The following ARHGEF4 variants were observed in gnomAD, a reference collection of about 807,000 sequenced individuals.
ARHGEF4 encodes APC-stimulated guanine nucleotide exchange factor 1.
In ARHGEF4, 119 loss-of-function variants were observed where a neutral mutation model predicts 162.0. The observed-to-expected ratio is 0.73, with a 90% confidence interval of 0.63 to 0.86. The LOEUF is 0.86. Ranked by LOEUF, ARHGEF4 falls within the 40% of genes least tolerant of loss-of-function variation. The pLI, the probability that ARHGEF4 is intolerant of heterozygous loss-of-function variation, is 0.00. For missense variants in ARHGEF4, 2,488 were observed against 2,456.0 expected, an observed-to-expected ratio of 1.01 and a Z score of -0.28; for synonymous variants, 1,014 against 979.9, an observed-to-expected ratio of 1.03 and a Z score of -0.65.
At chr2:131,041,155 C>G in intron 8 of ARHGEF4, 75 bp from the exon 9 acceptor site, 2 of 1,412,506 alleles carry the variant, frequency 1.4e-6, no homozygotes, top group South Asian at 1.3e-5. Flanking sequence ...GAGGCTCTTG[C>G]CCTTCCCACA....
At chr2:130,946,867 C>T in intron 4 of ARHGEF4, 1 of 417,472 alleles carries the variant, frequency 2.4e-6, no homozygotes, top group Non-Finnish European at 4.3e-6. Context: ...CTTTGAGAGG[C>T]TGAAGCAGGC....
intron 1 of ARHGEF4, among the ~76,000 whole-genome samples, chr2:130,877,108 G>A (rs980378458): frequency 7.9e-5 from 12 of 152,162 alleles, no homozygotes; most frequent in African/African-American, 1.4e-4. Context: ...CCCGCTCTCC[G>A]TGCATGCCCT....
intron 4 of ARHGEF4, among the ~76,000 whole-genome samples, chr2:130,988,217 ACCT>A (rs762198512): frequency 2.0e-5 from 3 of 151,928 alleles, no homozygotes; most frequent in Non-Finnish European, 4.4e-5. Context: ...TCTGGCAGTC[ACCT>A]CCTCCGCAGC....
At chr2:130,865,708 G>A (rs1682224131) in intron 1 of ARHGEF4, among the ~76,000 whole-genome samples, 1 of 141,182 alleles carries the variant, frequency 7.1e-6, no homozygotes, top group African/African-American at 3.2e-5. Context: ...GATAGGTTTT[G>A]TTTGTTTGTT....
At chr2:131,029,644 C>A (rs1469542740) in intron 5 of ARHGEF4, among the ~76,000 whole-genome samples, 1 of 151,622 alleles carries the variant, frequency 6.6e-6, no homozygotes, top group African/African-American at 2.4e-5. Context: ...ACCTCCGCCT[C>A]CCAGGTTCAA....
chr2:130,850,180 T>C (rs61249096), intron 1 of ARHGEF4, among the ~76,000 whole-genome samples: 4,948 of 152,216 alleles, frequency 0.033, 162 homozygotes, highest in East Asian at 0.083. Flanking sequence ...ACAGGAGCAG[T>C]TGGGCCAGTG....
chr2:130,968,998 G>C (rs563612051), intron 4 of ARHGEF4, among the ~76,000 whole-genome samples: 65 of 152,256 alleles, frequency 4.3e-4, no homozygotes, highest in African/African-American at 1.4e-3. Context: ...TAAGCAGAAA[G>C]TTTTTGTGGC....
intron 3 of ARHGEF4, among the ~76,000 whole-genome samples, chr2:130,935,989 C>G (rs1345894171): frequency 6.6e-6 from 1 of 152,070 alleles, no homozygotes; most frequent in Non-Finnish European, 1.5e-5. Context: ...TGCTTGAAAC[C>G]GGGAGGCAGA....
chr2:130,883,312 G>C (rs1383772045), intron 1 of ARHGEF4, among the ~76,000 whole-genome samples: 3 of 152,072 alleles, frequency 2.0e-5, no homozygotes, highest in Admixed American at 6.5e-5. Context: ...TGTGCTGGGT[G>C]AGCAGCCCCT....
At chr2:130,912,694 T>G (rs1681261574) in intron 1 of ARHGEF4, among the ~76,000 whole-genome samples, 1 of 152,098 alleles carries the variant, frequency 6.6e-6, no homozygotes, top group South Asian at 2.1e-4. Flanking sequence ...GGGGGAGCTT[T>G]GGGGAGTTTG....
intron 4 of ARHGEF4, among the ~76,000 whole-genome samples, chr2:131,001,414 C>G (rs1481249222): frequency 6.6e-6 from 1 of 150,500 alleles, no homozygotes; most frequent in Non-Finnish European, 1.5e-5. Flanking sequence ...AGAAGAGGAA[C>G]CTGAATAATC....
At chr2:130,923,714 C>T (rs1412544122) in intron 2 of ARHGEF4, among the ~76,000 whole-genome samples, 1 of 152,120 alleles carries the variant, frequency 6.6e-6, no homozygotes, top group Admixed American at 6.5e-5. Context: ...GCACCCTTGG[C>T]TTGGAGATTT....
At chr2:131,042,720 C>T (rs1213249975) in intron 10 of ARHGEF4, among the ~76,000 whole-genome samples, 1 of 152,240 alleles carries the variant, frequency 6.6e-6, no homozygotes, top group Non-Finnish European at 1.5e-5. Context: ...TTGTGAGGCC[C>T]AGCCCTGGCT....
intron 1 of ARHGEF4, among the ~76,000 whole-genome samples, chr2:130,861,113 C>A (rs1574112528): frequency 2.1e-5 from 1 of 47,350 alleles, no homozygotes; most frequent in Non-Finnish European, 3.4e-5. Flanking sequence ...AAAGACAAAA[C>A]ACATAAAAAA....
intron 1 of ARHGEF4, among the ~76,000 whole-genome samples, chr2:130,896,733 A>G (rs1188129724): frequency 6.6e-6 from 1 of 152,160 alleles, no homozygotes; most frequent in East Asian, 1.9e-4. Context: ...TTGGCAAACA[A>G]AGAGGACCAG....
chr2:130,839,212 C>A (rs112703859), intron 1 of ARHGEF4, among the ~76,000 whole-genome samples: 1 of 152,064 alleles, frequency 6.6e-6, no homozygotes, highest in African/African-American at 2.4e-5. Context: ...AGACACTGGT[C>A]GTAAGGAATA....
At chr2:131,033,483 C>T (rs1690009709) in intron 5 of ARHGEF4, among the ~76,000 whole-genome samples, 1 of 152,194 alleles carries the variant, frequency 6.6e-6, no homozygotes, top group Non-Finnish European at 1.5e-5. Context: ...CCATCCAGCT[C>T]ACCGACCCAC....
At chr2:130,993,770 T>C (rs1687204789) in intron 4 of ARHGEF4, among the ~76,000 whole-genome samples, 1 of 152,110 alleles carries the variant, frequency 6.6e-6, no homozygotes, top group South Asian at 2.1e-4. Flanking sequence ...TTTTGGTTCT[T>C]TTATTTTTTA....
At chr2:130,918,914 A>G (rs763198509) in intron 2 of ARHGEF4, among the ~76,000 whole-genome samples, 1 of 152,194 alleles carries the variant, frequency 6.6e-6, no homozygotes, top group Non-Finnish European at 1.5e-5. Context: ...AGAAAGGAAA[A>G]GGCCTCTCCC....
Sources: gnomAD v4.1 joint callset for allele counts (sites outside exome capture counted in the v4.1 genomes callset) on GRCh38, gnomAD v4.1.1 for gene constraint, MANE v1.5 for transcripts, NCBI Gene and HGNC (gene_info 2026-07-23, HGNC 2026-07-21) for gene names.